Variants in SVIL observed in about 807,000 individuals in gnomAD.
SVIL encodes supervillin.
In SVIL, 101 loss-of-function variants were observed where a neutral mutation model predicts 240.4. That is an observed-to-expected ratio of 0.42 (90% CI 0.36 to 0.50). SVIL has a LOEUF of 0.50. SVIL is among the 20% of genes least tolerant of loss of function. The pLI is 0.01. For missense variants in SVIL, 2,512 were observed against 2,818.7 expected, an observed-to-expected ratio of 0.89 and a Z score of 2.46; for synonymous variants, 999 against 1,100.0, an observed-to-expected ratio of 0.91 and a Z score of 1.82.
chr10:29,628,080 C>G (rs1342490858), intron 1 of SVIL, among the ~76,000 whole-genome samples: 1 of 152,174 alleles, frequency 6.6e-6, no homozygotes, highest in East Asian at 1.9e-4. Flanking sequence ...ACAAATGTAG[C>G]TGAATTTTGC....
chr10:29,690,199 A>T (rs1417991827), intron 1 of SVIL, among the ~76,000 whole-genome samples: 1 of 152,222 alleles, frequency 6.6e-6, no homozygotes, highest in East Asian at 1.9e-4. Context: ...TTTCAAAATA[A>T]TCAACACTTG....
At chr10:29,539,554 C>T (rs906339905) in intron 6 of SVIL, among the ~76,000 whole-genome samples, 11 of 152,128 alleles carry the variant, frequency 7.2e-5, no homozygotes, top group East Asian at 3.8e-4. Flanking sequence ...GATGAGGAGA[C>T]GCCTAAATCA....
rs1415643738 is a variant in SVIL, at chr10:29,522,594, C to G, written c.3205G>C (p.Ala1069Pro). 1 of 1,614,106 alleles carries G rather than the reference C, an allele frequency of 6.2e-7. No individual in the cohort carries two copies. Among genetic ancestry groups the G allele is most frequent in the Non-Finnish European group, 8.5e-7 (1 of 1,180,056 alleles). ...GTTTGAGCAATAGTTTTCCCAGCAG[C>G]TGTCCCCGTCTGCTCGGAAGTGGGC... Reference protein sequence around the residue: ...GEPTSEQTGTAAGKTIAQTTA... With the variant: ...GEPTSEQTGTPAGKTIAQTTA... Residue 1069 changes from alanine (A) to proline (P), a missense_variant, in exon 16 of 38, where the codon GCT becomes CCT. Physicochemically the swap from Ala to Pro is conservative, Grantham distance 27 (BLOSUM62 -1). Coordinates refer to ENST00000355867, the MANE Select transcript of SVIL (RefSeq NM_021738.3).
intron 1 of SVIL, among the ~76,000 whole-genome samples, chr10:29,633,401 G>A (rs769045755): frequency 2.6e-5 from 4 of 152,088 alleles, no homozygotes; most frequent in Non-Finnish European, 4.4e-5. Context: ...GGGTAATGCT[G>A]TATGGGACTG....
At chr10:29,607,428 T>C (rs1270732111) in intron 1 of SVIL, among the ~76,000 whole-genome samples, 1 of 152,232 alleles carries the variant, frequency 6.6e-6, no homozygotes, top group East Asian at 1.9e-4. Flanking sequence ...TGAGAATGTG[T>C]AAAATGTAAT....
intron 2 of SVIL, among the ~76,000 whole-genome samples, chr10:29,660,870 T>C (rs897888786): frequency 1.3e-5 from 2 of 151,916 alleles, no homozygotes; most frequent in African/African-American, 2.4e-5. Context: ...AGAAGGAGTT[T>C]AAAAAGCCTG....
chr10:29,600,143 C>A (rs1229143075), intron 1 of SVIL, among the ~76,000 whole-genome samples: 2 of 151,980 alleles, frequency 1.3e-5, no homozygotes, highest in Non-Finnish European at 2.9e-5. Context: ...TGGGCTCAAC[C>A]AATTTCCCCA....
At chr10:29,569,860 A>G (rs1955300428) in intron 1 of SVIL, among the ~76,000 whole-genome samples, 1 of 152,240 alleles carries the variant, frequency 6.6e-6, no homozygotes, top group Non-Finnish European at 1.5e-5. Context: ...AAGACAAGAT[A>G]GGTATTATGT....
At chr10:29,465,157 G>C (rs1421017493) in intron 34 of SVIL, among the ~76,000 whole-genome samples, 1 of 152,184 alleles carries the variant, frequency 6.6e-6, no homozygotes, top group Non-Finnish European at 1.5e-5. Flanking sequence ...TGCTTTATCT[G>C]ATTAAAGAGA....
chr10:29,620,302 G>A (rs1228916544), intron 1 of SVIL, among the ~76,000 whole-genome samples: 1 of 150,306 alleles, frequency 6.7e-6, no homozygotes, highest in Admixed American at 6.7e-5. Flanking sequence ...GAAAAGAGAA[G>A]GAAAAGGAAG....
intron 1 of SVIL, among the ~76,000 whole-genome samples, chr10:29,722,222 T>TAA (rs367974093): frequency 8.5e-4 from 100 of 117,766 alleles, no homozygotes; most frequent in African/African-American, 2.9e-3. Flanking sequence ...GACTCTGTCT[T>TAA]AAAAAAAAAA....
chr10:29,638,933 GGGA>G (rs1434527972), upstream of SVIL, among the ~76,000 whole-genome samples: 3 of 152,142 alleles, frequency 2.0e-5, no homozygotes, highest in African/African-American at 4.8e-5. Context: ...TTTTTGGAAA[GGGA>G]GGAGATCGGG....
In SVIL at chr10:29,611,492, G is replaced by A. The variant is rs191851084; in HGVS notation, c.-201+22928C>T. ...AAGTCTCATTTTAGCTCTGACAGGC[G>A]TGTCACTATGACATATGATGGTTCA... On this transcript the variant is annotated intron_variant, in intron 1 of 37. Transcript: ENST00000355867. 1.1e-3 allele frequency among the ~76,000 whole-genome samples: 160 copies of A among 151,992 alleles called. 1 individual carries two copies. The highest frequency in any genetic ancestry group is 2.0e-3 in the Non-Finnish European group (138 of 68,014).
rs775910366 is a variant in SVIL, at chr10:29,524,459, A to C, written c.2586+13T>G. 5.0e-6 allele frequency: 8 copies of C among 1,613,584 alleles called. No homozygotes were observed. Among genetic ancestry groups the C allele is most frequent in the Non-Finnish European group, 6.8e-6 (8 of 1,179,888 alleles). On this transcript the variant is annotated intron_variant, in intron 14 of 37. Coordinates refer to ENST00000355867, the MANE Select transcript of SVIL (RefSeq NM_021738.3). ...CACACACACAAACTGCAATCGGACT[A>C]TAGCACACCCACCTGCTCCACCTCT... is the stretch of plus-strand genomic sequence containing the variant.
intron 1 of SVIL, among the ~76,000 whole-genome samples, chr10:29,608,858 G>A (rs1786719790): frequency 6.6e-6 from 1 of 152,244 alleles, no homozygotes; most frequent in African/African-American, 2.4e-5. Context: ...AGCCAGGGAT[G>A]GCCTGAAGCC....
At chr10:29,526,580 G>A (rs1950936073) in intron 13 of SVIL, among the ~76,000 whole-genome samples, 1 of 152,158 alleles carries the variant, frequency 6.6e-6, no homozygotes, top group African/African-American at 2.4e-5. Context: ...TGGGATTACA[G>A]GCATGAGCCA....
In SVIL at chr10:29,470,541, C is replaced by T. The variant is rs868346194; in HGVS notation, c.5636-58G>A. 102 of 1,595,112 alleles carry T rather than the reference C, an allele frequency of 6.4e-5. No individual in the cohort carries two copies. The African/African-American group carries it at 8.6e-4, about 13-fold the overall frequency. On this transcript the variant is annotated intron_variant, in intron 31 of 37. Transcript: ENST00000355867. ...GCACGTGAGCGAGTGGCAGCAAACGCGGCCCTTCCTAGTGTCCGCTGTGTC... is the reference window on the plus strand; with the variant it reads ...GCACGTGAGCGAGTGGCAGCAAACGTGGCCCTTCCTAGTGTCCGCTGTGTC...
At position 29,532,828 on chromosome 10, in the gene SVIL, G is replaced by A. The variant is rs780853845; in HGVS notation, c.1539C>T (p.Ser513=). Residue 513 remains serine, a synonymous_variant, in exon 8 of 38, where the codon AGC becomes AGT. Coordinates refer to ENST00000355867, the MANE Select transcript of SVIL (RefSeq NM_021738.3). The part of the protein sequence containing the change: ...PHQPTERTGR[S]EMVLYIQSEP... ...CACTTTGAATGTAGAGAACCATCTC[G>A]CTCCTGCCTGTCCTCTCAGTGGGCT... 17 of 1,614,016 alleles carry A rather than the reference G, an allele frequency of 1.1e-5. No homozygotes were observed. Among genetic ancestry groups the A allele is most frequent in the Admixed American group, 5.0e-5 (3 of 59,992 alleles).
At chr10:29,557,711 AG>A (rs1287457868) in intron 3 of SVIL, among the ~76,000 whole-genome samples, 1 of 152,202 alleles carries the variant, frequency 6.6e-6, no homozygotes, top group Non-Finnish European at 1.5e-5. Flanking sequence ...AGACTGTGCA[AG>A]CCTCCTGTCC....
Sources: gnomAD v4.1 joint callset for allele counts (sites outside exome capture counted in the v4.1 genomes callset) on GRCh38, gnomAD v4.1.1 for gene constraint, MANE v1.5 for transcripts, NCBI Gene and HGNC (gene_info 2026-07-23, HGNC 2026-07-21) for gene names.